Variants in CACNA1B observed in about 807,000 individuals in gnomAD.
The protein encoded by CACNA1B is voltage-dependent N-type calcium channel subunit alpha-1B.
In CACNA1B, 70 loss-of-function variants were observed where a neutral mutation model predicts 247.2. The observed-to-expected ratio is 0.28, with a 90% CI of 0.23 to 0.35. CACNA1B has a LOEUF of 0.35. Ranked by LOEUF, CACNA1B falls within the 10% of genes least tolerant of loss-of-function variation. CACNA1B has a pLI of 1.00. For synonymous variants in CACNA1B, 1,231 were observed against 1,294.4 expected (o/e 0.95, Z 1.05); for missense variants, 2,367 against 3,197.4 (o/e 0.74, Z 6.26).
intron 25 of CACNA1B, among the ~76,000 whole-genome samples, chr9:138,053,294 T>C (rs1314147121): frequency 6.6e-6 from 1 of 152,184 alleles, no homozygotes; most frequent in Non-Finnish European, 1.5e-5. Context: ...GGCATCCAGC[T>C]GCTGCCTCTA....
In CACNA1B at chr9:138,060,689, G is replaced by A. The variant is rs950723900; in HGVS notation, c.4668+952G>A. 3.1e-4 allele frequency among the ~76,000 whole-genome samples: 47 copies of A among 152,230 alleles called. 2 individuals carry two copies. Among genetic ancestry groups the A allele is most frequent in the African/African-American group, 9.6e-4 (40 of 41,454 alleles). ...CCCAAGCTGTTAGGGCTGAAGGGACGTCTGACACCATCAGAGGAGAACCTG... is the reference window on the plus strand; with the variant it reads ...CCCAAGCTGTTAGGGCTGAAGGGACATCTGACACCATCAGAGGAGAACCTG... On this transcript the variant is annotated intron_variant, in intron 31 of 46. Coordinates refer to ENST00000371372, the MANE Select transcript of CACNA1B (RefSeq NM_000718.4).
intron 3 of CACNA1B, among the ~76,000 whole-genome samples, chr9:137,897,890 T>C (rs1238911516): frequency 6.6e-6 from 1 of 152,058 alleles, no homozygotes; most frequent in Non-Finnish European, 1.5e-5. Context: ...TGAAATTTTA[T>C]TTACCCACAT....
At chr9:138,080,461 TACATTA>T (rs1960489960) in intron 36 of CACNA1B, among the ~76,000 whole-genome samples, 1 of 152,200 alleles carries the variant, frequency 6.6e-6, no homozygotes, top group South Asian at 2.1e-4. Flanking sequence ...GCAAGATCAT[TACATTA>T]ACATTAGCAT....
chr9:138,074,198 C>T, intron 34 of CACNA1B, 132 bp downstream of exon 34: 1 of 743,712 alleles, frequency 1.3e-6, no homozygotes, highest in South Asian at 1.5e-5. Flanking sequence ...TGAGCCAGAT[C>T]CTGCTTTGAG....
intron 18 of CACNA1B, among the ~76,000 whole-genome samples, chr9:138,022,049 A>G (rs921093613): frequency 2.0e-5 from 3 of 152,334 alleles, no homozygotes; most frequent in East Asian, 3.9e-4. Flanking sequence ...ACTCTGGGCT[A>G]TGGAGCCCCA....
chr9:138,047,065 G>T, intron 22 of CACNA1B, 32 bp downstream of exon 22: 1 of 1,581,042 alleles, frequency 6.3e-7, no homozygotes, highest in South Asian at 1.1e-5. Flanking sequence ...GTCCCCGCCA[G>T]GCTGTGGCGG....
chr9:137,885,302 G>GA (rs1466131943), intron 3 of CACNA1B, among the ~76,000 whole-genome samples: 2 of 152,098 alleles, frequency 1.3e-5, no homozygotes, highest in Admixed American at 6.5e-5. Flanking sequence ...GGCACCTGGG[G>GA]ACACGTGAAC....
chr9:138,121,011 G>A lies in CACNA1B; in HGVS notation c.6489+130G>A, dbSNP rs1164105273. 16 of 1,106,604 alleles carry A rather than the reference G, an allele frequency of 1.4e-5. No individual in the cohort carries two copies. The highest frequency in any genetic ancestry group is 4.6e-5 in the South Asian group (3 of 65,718). 68.5% of individuals were successfully genotyped at this position (1,106,604 alleles called of 1,614,324 possible). On this transcript the variant is annotated intron_variant, in intron 46 of 46. Transcript: ENST00000371372. The surrounding 1 kb of genome is among the most constrained non-coding windows in gnomAD (Gnocchi z 6.8). ...TGTCATTCCCAGCAACCCAAGGGCCGGGCGCTCCCCTCTGTGCCCTGTCCC... is the reference window on the plus strand; with the variant it reads ...TGTCATTCCCAGCAACCCAAGGGCCAGGCGCTCCCCTCTGTGCCCTGTCCC...
intron 20 of CACNA1B, among the ~76,000 whole-genome samples, chr9:138,043,378 C>T (rs143575570): frequency 4.7e-4 from 71 of 152,270 alleles, no homozygotes; most frequent in Admixed American, 8.5e-4. Context: ...GTTTGTGGAT[C>T]GGGGGCTGGC....
At position 137,957,990 on chromosome 9, in the gene CACNA1B, C is replaced by A. The variant is rs1957969986; in HGVS notation, c.1333+303C>A. Among the ~76,000 whole-genome samples, 1 of 152,178 alleles carries A rather than the reference C, an allele frequency of 6.6e-6. No individual in the cohort carries two copies. Among genetic ancestry groups the A allele is most frequent in the Admixed American group, 6.5e-5 (1 of 15,278 alleles). Reference sequence around the variant, plus strand: ...GTCATCCCCTACCTCTCAAATAGTACAAGGAACATTCTGGTTAATTTATCC... The same window carrying A: ...GTCATCCCCTACCTCTCAAATAGTAAAAGGAACATTCTGGTTAATTTATCC... On this transcript the variant is annotated intron_variant, in intron 10 of 46. Coordinates refer to ENST00000371372, the MANE Select transcript of CACNA1B (RefSeq NM_000718.4). This position sits in a 1 kb window ranked among gnomAD's most constrained non-coding sequence, Gnocchi z 4.7.
chr9:138,023,514 CG>C lies in CACNA1B; in HGVS notation c.2773del (p.Glu925ArgfsTer84). ...CGGCGGCACCACCGGCGCGGCTCCC[CG>C]GAGGAGGCGGCCGAGCGGGAGCCCC... ...GGRRHHRRGS[P>X]EEAAEREPRR... On this transcript the variant is annotated frameshift_variant, in exon 19 of 47. Transcript: ENST00000371372. LOFTEE classifies it high-confidence loss of function. 9.3e-7 allele frequency: 1 copy of C among 1,074,720 alleles called. No homozygotes were observed. Among genetic ancestry groups the C allele is most frequent in the Non-Finnish European group, 1.1e-6 (1 of 890,956 alleles). The allele number at this position is 1,074,720 out of a possible 1,614,324, so 66.6% of individuals were successfully genotyped here.
intron 37 of CACNA1B, among the ~76,000 whole-genome samples, chr9:138,098,604 C>T (rs751693941): frequency 6.6e-6 from 1 of 152,166 alleles, no homozygotes; most frequent in African/African-American, 2.4e-5. Flanking sequence ...AGAGCAGAGG[C>T]AGGAAGAACG....
At chr9:138,030,571 G>A (rs1958976445) in intron 20 of CACNA1B, among the ~76,000 whole-genome samples, 2 of 152,086 alleles carry the variant, frequency 1.3e-5, no homozygotes, top group African/African-American at 4.8e-5. Context: ...TCTGGTTTTG[G>A]TATCAGAGTA....
chr9:138,077,200 G>A (rs1427901366), intron 35 of CACNA1B, among the ~76,000 whole-genome samples: 1 of 152,216 alleles, frequency 6.6e-6, no homozygotes, highest in Admixed American at 6.5e-5. Flanking sequence ...AGTGAGGAGT[G>A]GGCCCAGCTT....
chr9:137,944,184 T>C (rs1401155336), intron 6 of CACNA1B, among the ~76,000 whole-genome samples: 1 of 152,104 alleles, frequency 6.6e-6, no homozygotes, highest in Non-Finnish European at 1.5e-5. Context: ...TTGTTATACA[T>C]CATGAAAGCA....
At position 138,014,364 on chromosome 9, in the gene CACNA1B, C is replaced by T. The variant is rs929296534; in HGVS notation, c.2267+1129C>T. On this transcript the variant is annotated intron_variant, in intron 18 of 46. Transcript: ENST00000371372. The surrounding 1 kb of genome is among the most constrained non-coding windows in gnomAD (Gnocchi z 6.2). ...GCGGAGGGCCTGTCTCTAAGCCTAG[C>T]AGAAAGTGCTGGTCTTTGGGGCAGA... Among the ~76,000 whole-genome samples the T allele has an allele frequency of 6.6e-6, 1 of 152,152 alleles. No individual in the cohort carries two copies. Among genetic ancestry groups the T allele is most frequent in the Non-Finnish European group, 1.5e-5 (1 of 68,018 alleles).
At chr9:138,114,631 A>T in intron 41 of CACNA1B, 141 bp downstream of exon 41, 1 of 608,084 alleles carries the variant, frequency 1.6e-6, no homozygotes, top group Non-Finnish European at 2.9e-6. Context: ...TCTTGCAGCT[A>T]CCTCTCTGGC....
In CACNA1B at chr9:138,121,227, C is replaced by G. The variant is rs111655962; in HGVS notation, c.6490-242C>G. ...TTTTGTTCTGTCCTTTTCCCTGGCC[C>G]CAGCCTGTCCCTTCCCATCACCTGC... On this transcript the variant is annotated intron_variant, in intron 46 of 46. Coordinates refer to ENST00000371372, the MANE Select transcript of CACNA1B (RefSeq NM_000718.4). The surrounding 1 kb of genome is among the most constrained non-coding windows in gnomAD (Gnocchi z 6.8). Among the ~76,000 whole-genome samples the G allele has an allele frequency of 1.5e-3, 234 of 152,232 alleles. No homozygotes were observed. The highest frequency in any genetic ancestry group is 6.8e-3 in the Middle Eastern group (2 of 294).
intron 6 of CACNA1B, among the ~76,000 whole-genome samples, chr9:137,949,654 G>A (rs1040480644): frequency 6.6e-6 from 1 of 152,080 alleles, no homozygotes. Flanking sequence ...CACATGGAGA[G>A]CTGATGATGC....
Sources: gnomAD v4.1 joint callset for allele counts (sites outside exome capture counted in the v4.1 genomes callset) on GRCh38, gnomAD v4.1.1 for gene constraint, Gnocchi (gnomAD v3.1) non-coding constraint, MANE v1.5 for transcripts, NCBI Gene and HGNC (gene_info 2026-07-23, HGNC 2026-07-21) for gene names.